TTLL5: variants seen among roughly 807,000 people sequenced by gnomAD.
TTLL5 encodes tubulin polyglutamylase TTLL5.
Under a neutral mutation model 168.4 loss-of-function variants are expected in TTLL5, and 132 were observed. That is an observed-to-expected ratio of 0.78 (90% CI 0.68 to 0.91). The LOEUF (loss-of-function observed/expected upper bound fraction) is 0.91. TTLL5 is among the 40% of genes least tolerant of loss of function. The pLI is 0.00. For synonymous variants in TTLL5, 546 were observed against 558.6 expected (o/e 0.98, Z 0.32); for missense variants, 1,545 against 1,581.5 (o/e 0.98, Z 0.39).
rs1247013903 is a variant in TTLL5 at position 75,713,096 on chromosome 14, C to T, written c.741-4765C>T. 2.6e-5 allele frequency among the ~76,000 whole-genome samples: 4 copies of T among 152,142 alleles called. No homozygotes were observed. In the East Asian group the frequency reaches 5.8e-4, roughly 22 times the overall value. On this transcript the variant is annotated intron_variant, in intron 9 of 31. Transcript: ENST00000298832. Reference sequence around the variant, plus strand: ...TTAAGAGGGAGATACAAGACTGACTCCATCGTGTAAATTTTGGTCTACATT... The same window carrying T: ...TTAAGAGGGAGATACAAGACTGACTTCATCGTGTAAATTTTGGTCTACATT...
intron 31 of TTLL5, among the ~76,000 whole-genome samples, chr14:75,925,185 GC>G (rs2033988660): frequency 6.7e-6 from 1 of 148,242 alleles, no homozygotes; most frequent in East Asian, 2.0e-4. Flanking sequence ...CCTGGCGGGG[GC>G]TGACCCCCCC....
intron 31 of TTLL5, among the ~76,000 whole-genome samples, chr14:75,926,317 G>A (rs559636193): frequency 6.6e-6 from 1 of 152,022 alleles, no homozygotes; most frequent in Non-Finnish European, 1.5e-5. Context: ...GCCAGTTCGT[G>A]TCTTTTAATT....
At chr14:75,668,826 T>C (rs940433023) in intron 2 of TTLL5, among the ~76,000 whole-genome samples, 2 of 152,184 alleles carry the variant, frequency 1.3e-5, no homozygotes, top group African/African-American at 4.8e-5. Flanking sequence ...ATTCTTTATG[T>C]GTGCAAAGGA....
intron 12 of TTLL5, among the ~76,000 whole-genome samples, chr14:75,725,107 C>T (rs891705201): frequency 3.3e-5 from 5 of 152,274 alleles, no homozygotes; most frequent in South Asian, 2.1e-4. Flanking sequence ...GTGTTTGCTC[C>T]GCACCAGCCA....
At chr14:75,719,976 T>C (rs1014205309) in intron 11 of TTLL5, 150 bp downstream of exon 11, 1 of 821,646 alleles carries the variant, frequency 1.2e-6, no homozygotes. Flanking sequence ...GTTGACAAGC[T>C]GGGGAACAGG....
At chr14:75,778,743 TTA>T (rs1470475292) in intron 23 of TTLL5, among the ~76,000 whole-genome samples, 161 of 152,318 alleles carry the variant, frequency 1.1e-3, no homozygotes, top group African/African-American at 3.7e-3. Context: ...GCTACAGATG[TTA>T]AAGTCCATGT....
At chr14:75,782,386 G>C in intron 24 of TTLL5, 101 bp from the exon 25 acceptor site, 1 of 906,450 alleles carries the variant, frequency 1.1e-6, no homozygotes, top group Non-Finnish European at 1.7e-6. Context: ...TCCCAGCATT[G>C]ATTAGCAGTT....
At position 75,775,560 on chromosome 14, in the gene TTLL5, G is replaced by A. The variant is rs996765401; in HGVS notation, c.2213G>A (p.Arg738Gln). ...HSLRMVLPSRRLALLERRRIL... is the reference protein window; with the variant it reads ...HSLRMVLPSRQLALLERRRIL... Reference sequence around the variant, plus strand: ...CTGAGGATGGTATTACCCAGTCGACGATTGGCACTTCTGGAACGCAGAAGA... The same window carrying A: ...CTGAGGATGGTATTACCCAGTCGACAATTGGCACTTCTGGAACGCAGAAGA... Residue 738 changes from arginine to glutamine, a missense_variant, in exon 22 of 32, where the codon CGA becomes CAA. Arg to Gln is a conservative substitution (Grantham distance 43). Coordinates refer to ENST00000298832, the MANE Select transcript of TTLL5 (RefSeq NM_015072.5). The A allele has an allele frequency of 2.5e-6, 4 of 1,613,926 alleles. No individual in the cohort carries two copies. The highest frequency in any genetic ancestry group is 2.2e-5 in the East Asian group (1 of 44,888).
intron 28 of TTLL5, among the ~76,000 whole-genome samples, chr14:75,829,745 A>G (rs1029545914): frequency 6.6e-6 from 1 of 152,200 alleles, no homozygotes; most frequent in Non-Finnish European, 1.5e-5. Flanking sequence ...AGGTTAAGAA[A>G]TGGAACAAAA....
intron 31 of TTLL5, among the ~76,000 whole-genome samples, chr14:75,905,716 A>G (rs945065130): frequency 6.6e-6 from 1 of 152,208 alleles, no homozygotes; most frequent in Non-Finnish European, 1.5e-5. Flanking sequence ...ATGGTAAACT[A>G]AAATAGCAGA....
intron 9 of TTLL5, chr14:75,709,194 GATGGGAAATACC>G (rs1416732424): frequency 5.2e-6 from 4 of 762,004 alleles, no homozygotes; most frequent in Non-Finnish European, 9.6e-6. Context: ...GCAATTGGAA[GATGGGAAATACC>G]ATGGATAAAA....
At chr14:75,834,383 T>C (rs1895761226) in intron 28 of TTLL5, among the ~76,000 whole-genome samples, 1 of 152,170 alleles carries the variant, frequency 6.6e-6, no homozygotes, top group South Asian at 2.1e-4. Flanking sequence ...TTTTATCCCA[T>C]TGTCAGCCCT....
intron 28 of TTLL5, among the ~76,000 whole-genome samples, chr14:75,848,033 T>G (rs533014602): frequency 2.0e-5 from 3 of 151,780 alleles, no homozygotes; most frequent in Non-Finnish European, 4.4e-5. Flanking sequence ...AAAAATATCT[T>G]TATAAAGAAA....
Position 75,715,456 on chromosome 14 carries a change from G to C in TTLL5, c.741-2405G>C, listed in dbSNP as rs995386236. Among the ~76,000 whole-genome samples the C allele has an allele frequency of 1.1e-4, 17 of 151,998 alleles. No homozygotes were observed. The East Asian group carries it at 2.9e-3, about 26-fold the overall frequency. On this transcript the variant is annotated intron_variant, in intron 9 of 31. Transcript: ENST00000298832. ...CACATTCAAGACTAATGTGACCTGT[G>C]GTCTAGACAATAAAAAAGAAAATAG...
intron 11 of TTLL5, 60 bp from the exon 12 acceptor site, chr14:75,720,536 C>A (rs1566827008): frequency 8.2e-6 from 10 of 1,222,462 alleles, no homozygotes; most frequent in South Asian, 1.2e-5. Flanking sequence ...TATCTGGAAT[C>A]CAGTTCATAA....
intron 30 of TTLL5, among the ~76,000 whole-genome samples, chr14:75,894,748 TCAA>T (rs1259871130): frequency 6.6e-6 from 1 of 151,588 alleles, no homozygotes; most frequent in African/African-American, 2.4e-5. Flanking sequence ...AAGTAAAATA[TCAA>T]CAAAAGATAG....
chr14:75,889,184 T>C (rs977278175), intron 30 of TTLL5, among the ~76,000 whole-genome samples: 4 of 152,060 alleles, frequency 2.6e-5, no homozygotes, highest in East Asian at 1.9e-4. Context: ...ACACAGTGAA[T>C]AGAAATTGGC....
intron 29 of TTLL5, among the ~76,000 whole-genome samples, chr14:75,870,952 G>A (rs565472127): frequency 4.6e-5 from 7 of 151,990 alleles, no homozygotes; most frequent in African/African-American, 1.7e-4. Context: ...CCGCCACCAC[G>A]CCCAGCTAAT....
At chr14:75,951,348 AAAAT>A (rs1442981133) in intron 31 of TTLL5, among the ~76,000 whole-genome samples, 3 of 152,262 alleles carry the variant, frequency 2.0e-5, no homozygotes, top group East Asian at 1.9e-4. Flanking sequence ...GACAGTCTCG[AAAAT>A]AAATAAATAC....
Sources: allele counts gnomAD v4.1 joint callset (sites outside exome capture counted in the v4.1 genomes callset), GRCh38; gene constraint gnomAD v4.1.1; transcripts MANE v1.5; gene names NCBI Gene and HGNC (gene_info 2026-07-23, HGNC 2026-07-21).